PPP2R5D: variants seen among roughly 807,000 people sequenced by gnomAD.
PPP2R5D encodes protein phosphatase 2 regulatory subunit B'delta.
PPP2R5D carries 12 observed loss-of-function variants against 79.1 expected under a neutral mutation model. That is an observed-to-expected ratio of 0.15 (90% CI 0.10 to 0.25). The LOEUF (loss-of-function observed/expected upper bound fraction) is 0.25. Ranked by LOEUF, PPP2R5D falls within the 10% of genes least tolerant of loss-of-function variation. The pLI, the probability that PPP2R5D is intolerant of heterozygous loss-of-function variation, is 1.00. For missense variants in PPP2R5D, 419 were observed against 760.2 expected, an observed-to-expected ratio of 0.55 and a Z score of 5.28; for synonymous variants, 277 against 286.6, an observed-to-expected ratio of 0.97 and a Z score of 0.34.
At position 43,006,439 on chromosome 6, in the gene PPP2R5D, T is replaced by TC; in HGVS notation, c.106-23dup. On this transcript the variant is annotated intron_variant, in intron 2 of 15. Transcript: ENST00000485511. The surrounding 1 kb of genome is among the most constrained non-coding windows in gnomAD (Gnocchi z 4.7). Reference sequence around the variant, plus strand: ...GGAGGCATATCTTGGGAAGTGGATTTCAACAGGTGACTTGTTTGACCAGGC... The same window carrying TC: ...GGAGGCATATCTTGGGAAGTGGATTTCCAACAGGTGACTTGTTTGACCAGGC... 6.2e-7 allele frequency: 1 copy of TC among 1,610,264 alleles called. No homozygotes were observed. Among genetic ancestry groups the TC allele is most frequent in the Non-Finnish European group, 8.5e-7 (1 of 1,178,446 alleles).
rs551942200 is a variant in PPP2R5D, at chr6:43,010,063, C to A, written c.1380-405C>A. ...CAGCCTGGGCAACAGAGTGAGACTCCGTCTTAAAAAAAAAACTCAGGGTTT... is the reference window on the plus strand; with the variant it reads ...CAGCCTGGGCAACAGAGTGAGACTCAGTCTTAAAAAAAAAACTCAGGGTTT... On this transcript the variant is annotated intron_variant, in intron 12 of 15. Transcript: ENST00000485511. The surrounding 1 kb of genome is among the most constrained non-coding windows in gnomAD (Gnocchi z 4.7). Among the ~76,000 whole-genome samples the A allele has an allele frequency of 1.4e-5, 2 of 144,406 alleles. No individual in the cohort carries two copies. The highest frequency in any genetic ancestry group is 4.0e-4 in the East Asian group (2 of 4,944). The allele number at this position is 144,406 out of a possible 152,430, so 94.7% of individuals were successfully genotyped here.
intron 2 of PPP2R5D, among the ~76,000 whole-genome samples, chr6:42,998,236 A>G (rs1278923054): frequency 6.7e-6 from 1 of 149,560 alleles, no homozygotes; most frequent in Non-Finnish European, 1.5e-5. Flanking sequence ...CACCACGCCC[A>G]GCTAATTTTT....
At position 43,007,807 on chromosome 6, in the gene PPP2R5D, T is replaced by A. The variant is rs1762169281; in HGVS notation, c.727-128T>A. On this transcript the variant is annotated intron_variant, in intron 6 of 15. Coordinates refer to ENST00000485511, the MANE Select transcript of PPP2R5D (RefSeq NM_006245.4). This position sits in a 1 kb window ranked among gnomAD's most constrained non-coding sequence, Gnocchi z 4.5. ...ATCAGCAATATAATAGAATCACTGC[T>A]TTCTAAGACTTGCTGGCCCCCACTC... is the stretch of plus-strand genomic sequence containing the variant. The A allele has an allele frequency of 8.2e-7, 1 of 1,218,876 alleles. No individual in the cohort carries two copies. Among genetic ancestry groups the A allele is most frequent in the East Asian group, 2.3e-5 (1 of 42,698 alleles). 75.5% of individuals were successfully genotyped at this position (1,218,876 alleles called of 1,614,324 possible).
intron 2 of PPP2R5D, among the ~76,000 whole-genome samples, chr6:42,999,275 TCTG>T (rs1253366586): frequency 2.6e-5 from 4 of 152,148 alleles, no homozygotes; most frequent in Non-Finnish European, 4.4e-5. Flanking sequence ...CCCACCTCCC[TCTG>T]ACATGCATGT....
Position 43,008,534 on chromosome 6 carries a change from G to C in PPP2R5D, c.1026+59G>C, listed in dbSNP as rs547590873. ...AGGCAGCAGAGAAAAGAGCCGGCAG[G>C]AAAGTGTTCCAGCTGGGATAGGGGA... is the stretch of plus-strand genomic sequence containing the variant. On this transcript the variant is annotated intron_variant, in intron 9 of 15. Coordinates refer to ENST00000485511, the MANE Select transcript of PPP2R5D (RefSeq NM_006245.4). This position sits in a 1 kb window ranked among gnomAD's most constrained non-coding sequence, Gnocchi z 4.2. 4 of 1,535,024 alleles carry C rather than the reference G, an allele frequency of 2.6e-6. No homozygotes were observed. The highest frequency in any genetic ancestry group is 2.7e-5 in the African/African-American group (2 of 73,258).
intron 2 of PPP2R5D, among the ~76,000 whole-genome samples, chr6:42,993,076 C>T: frequency 6.6e-6 from 1 of 152,140 alleles, no homozygotes; most frequent in East Asian, 1.9e-4. Flanking sequence ...GCGGGTGGAT[C>T]ACCTGAGGTC....
chr6:43,004,568 A>AC (rs1761957507), intron 2 of PPP2R5D, among the ~76,000 whole-genome samples: 1 of 96,398 alleles, frequency 1.0e-5, no homozygotes, highest in South Asian at 3.3e-4. Flanking sequence ...TTCTTTTCCT[A>AC]CTTTTTTTTT....
Position 43,010,388 on chromosome 6 carries a change from C to G in PPP2R5D, c.1380-80C>G. 1 of 1,111,152 alleles carries G rather than the reference C, an allele frequency of 9.0e-7. No homozygotes were observed. Among genetic ancestry groups the G allele is most frequent in the South Asian group, 1.2e-5 (1 of 80,286 alleles). 68.8% of individuals were successfully genotyped at this position (1,111,152 alleles called of 1,614,324 possible). A position where few individuals can be genotyped will look rare whatever the true frequency, so the allele number is the denominator to read the frequency against. On this transcript the variant is annotated intron_variant, in intron 12 of 15. Transcript: ENST00000485511. This position sits in a 1 kb window ranked among gnomAD's most constrained non-coding sequence, Gnocchi z 4.7. The stretch of plus-strand genomic sequence containing the variant: ...TGACAAAGCTCTTAGCAGAGATACC[C>G]CTGTGAGAGAACAAATTGGGTTCCT...
Position 43,006,204 on chromosome 6 carries a change from C to T in PPP2R5D, c.106-259C>T, listed in dbSNP as rs1762067473. On this transcript the variant is annotated intron_variant, in intron 2 of 15. Coordinates refer to ENST00000485511, the MANE Select transcript of PPP2R5D (RefSeq NM_006245.4). This position sits in a 1 kb window ranked among gnomAD's most constrained non-coding sequence, Gnocchi z 4.7. ...AATCTATCAATTAGCTTTACCTGTT[C>T]ATGAACTGGAATGAACGTTTTAAAG... Among the ~76,000 whole-genome samples, 1 of 152,212 alleles carries T rather than the reference C, an allele frequency of 6.6e-6. No individual in the cohort carries two copies. The highest frequency in any genetic ancestry group is 6.6e-5 in the Admixed American group (1 of 15,264).
In PPP2R5D at chr6:43,000,236, C is replaced by CTTTT. The variant is rs1204045076; in HGVS notation, c.106-6211_106-6208dup. Among the ~76,000 whole-genome samples, 300 of 106,006 alleles carry CTTTT rather than the reference C, an allele frequency of 2.8e-3. 23 individuals are homozygous for CTTTT. The highest frequency in any genetic ancestry group is 0.013 in the African/African-American group (267 of 20,280). The allele number at this position is 106,006 out of a possible 152,430, so 69.5% of individuals were successfully genotyped here. ...GGCGTGAGCCACCACGTCTGGCCAC[C>CTTTT]TTTTTTTTTTTTTTTTTTTGAGATA... On this transcript the variant is annotated intron_variant, in intron 2 of 15. Transcript: ENST00000485511.
rs1025368302 is a variant in PPP2R5D at position 43,007,614 on chromosome 6, T to C, written c.726+108T>C. Reference sequence around the variant, plus strand: ...AGCTGAATATATTGGGTTTCATCCATGTCTGGTACGAGGAGGCTATAAAGG... The same window carrying C: ...AGCTGAATATATTGGGTTTCATCCACGTCTGGTACGAGGAGGCTATAAAGG... On this transcript the variant is annotated intron_variant, in intron 6 of 15. Transcript: ENST00000485511. This position sits in a 1 kb window ranked among gnomAD's most constrained non-coding sequence, Gnocchi z 4.5. The C allele has an allele frequency of 1.2e-4, 136 of 1,139,328 alleles. No individual in the cohort carries two copies. Among genetic ancestry groups the C allele is most frequent in the Non-Finnish European group, 1.6e-4 (123 of 765,500 alleles). 70.6% of individuals were successfully genotyped at this position (1,139,328 alleles called of 1,614,324 possible).
chr6:42,991,354 G>GT (rs1234980227), intron 2 of PPP2R5D, among the ~76,000 whole-genome samples: 1 of 152,142 alleles, frequency 6.6e-6, no homozygotes, highest in Admixed American at 6.6e-5. Flanking sequence ...TTAATGGGGA[G>GT]TTCCCACCTT....
chr6:43,007,825 C>T lies in PPP2R5D; in HGVS notation c.727-110C>T, dbSNP rs1038384522. ...TCACTGCTTTCTAAGACTTGCTGGC[C>T]CCCACTCCAGGGGACCTCTGCATTT... On this transcript the variant is annotated intron_variant, in intron 6 of 15. Coordinates refer to ENST00000485511, the MANE Select transcript of PPP2R5D (RefSeq NM_006245.4). This position sits in a 1 kb window ranked among gnomAD's most constrained non-coding sequence, Gnocchi z 4.5. The T allele has an allele frequency of 7.2e-7, 1 of 1,396,580 alleles. No individual in the cohort carries two copies. The highest frequency in any genetic ancestry group is 1.2e-5 in the South Asian group (1 of 81,050). 86.5% of individuals were successfully genotyped at this position (1,396,580 alleles called of 1,614,324 possible). A position where few individuals can be genotyped will look rare whatever the true frequency, so the allele number is the denominator to read the frequency against.
chr6:42,998,727 G>T (rs948535673), intron 2 of PPP2R5D, among the ~76,000 whole-genome samples: 6 of 151,990 alleles, frequency 3.9e-5, no homozygotes, highest in African/African-American at 1.4e-4. Context: ...GTGAAACCCT[G>T]TCTCTACAAA....
chr6:42,994,519 GA>G (rs201857456), intron 2 of PPP2R5D, among the ~76,000 whole-genome samples: 2 of 150,584 alleles, frequency 1.3e-5, no homozygotes, highest in African/African-American at 4.9e-5. Flanking sequence ...TCTGTCCTTG[GA>G]AAAAAAAATT....
Position 43,007,018 on chromosome 6 carries a change from G to GTC in PPP2R5D, c.431_432insCT (p.Lys145Ter). The stretch of plus-strand genomic sequence containing the variant: ...ACTCAGTGACCTCAAATTCAAGGAG[G>GTC]TGAAGCGGGCAGGACTCAACGAGAT... On this transcript the variant is annotated frameshift_variant, in exon 4 of 16. Transcript: ENST00000485511. LOFTEE classifies it high-confidence loss of function. The surrounding 1 kb of genome is among the most constrained non-coding windows in gnomAD (Gnocchi z 4.5). 1 of 1,614,156 alleles carries GTC rather than the reference G, an allele frequency of 6.2e-7. No homozygotes were observed.
At chr6:43,002,055 T>G (rs1198015119) in intron 2 of PPP2R5D, among the ~76,000 whole-genome samples, 1 of 152,150 alleles carries the variant, frequency 6.6e-6, no homozygotes, top group Non-Finnish European at 1.5e-5. Context: ...AGGTGCAGAC[T>G]TTCTGGATAT....
Position 43,008,157 on chromosome 6 carries a change from AG to A in PPP2R5D, c.858-41del. ...GTGGGGGGACTGTACAGAATGCTGG[AG>A]GGACATCAGGGGTTGTCAAGAGAGC... On this transcript the variant is annotated intron_variant, in intron 7 of 15. Coordinates refer to ENST00000485511, the MANE Select transcript of PPP2R5D (RefSeq NM_006245.4). The surrounding 1 kb of genome is among the most constrained non-coding windows in gnomAD (Gnocchi z 4.2). 6.2e-7 allele frequency: 1 copy of A among 1,613,740 alleles called. No homozygotes were observed.
At position 43,007,056 on chromosome 6, in the gene PPP2R5D, C is replaced by T. The variant is rs1001235202; in HGVS notation, c.468C>T (p.Ile156=). The T allele has an allele frequency of 6.2e-7, 1 of 1,614,114 alleles. No homozygotes were observed. The highest frequency in any genetic ancestry group is 1.7e-5 in the Admixed American group (1 of 60,012). The change falls in exon 4 of 16, where the codon ATC becomes ATT. Residue 156 remains isoleucine (I), a synonymous_variant. Transcript: ENST00000485511. The surrounding 1 kb of genome is among the most constrained non-coding windows in gnomAD (Gnocchi z 4.5). ...RAGLNEMVEY[I]THSRDVVTEA... is the part of the protein sequence containing the mutation. ...GACTCAACGAGATGGTGGAGTACATCACCCATAGCCGTGATGTTGTCACTG... is the reference window on the plus strand; with the variant it reads ...GACTCAACGAGATGGTGGAGTACATTACCCATAGCCGTGATGTTGTCACTG...
Sources: allele counts gnomAD v4.1 joint callset (sites outside exome capture counted in the v4.1 genomes callset), GRCh38; gene constraint gnomAD v4.1.1; non-coding constraint Gnocchi (gnomAD v3.1); transcripts MANE v1.5; gene names NCBI Gene and HGNC (gene_info 2026-07-23, HGNC 2026-07-21).